FA2H: variants seen among roughly 807,000 people sequenced by gnomAD.
The protein encoded by FA2H is fatty acid 2-hydroxylase, also known as fatty acid alpha-hydroxylase.
Under a neutral mutation model 44.9 loss-of-function variants are expected in FA2H, and 22 were observed. That is an observed-to-expected ratio of 0.49 (90% CI 0.35 to 0.70). FA2H has a LOEUF of 0.70. Among genes scored for constraint, FA2H ranks in the 30% least tolerant of loss-of-function variants. The pLI is 0.01. For synonymous variants in FA2H, 243 were observed against 213.2 expected, an observed-to-expected ratio of 1.14 and a Z score of -1.22; for missense variants, 501 against 504.9, an observed-to-expected ratio of 0.99 and a Z score of 0.07.
intron 6 of FA2H, 42 bp from the exon 7 acceptor site, chr16:74,714,311 G>C (rs1012883991): frequency 7.7e-7 from 1 of 1,296,788 alleles, no homozygotes; most frequent in African/African-American, 1.5e-5. Flanking sequence ...GGCATTGAAG[G>C]AGCAGGCGTG....
chr16:74,722,154 C>G (rs1307940110), intron 4 of FA2H, among the ~76,000 whole-genome samples: 1 of 152,118 alleles, frequency 6.6e-6, no homozygotes, highest in Non-Finnish European at 1.5e-5. Context: ...TCAGTCTCTC[C>G]TTTTCTCCTG....
chr16:74,745,892 G>A (rs1338654877), intron 1 of FA2H, among the ~76,000 whole-genome samples: 1 of 143,922 alleles, frequency 6.9e-6, no homozygotes, highest in Non-Finnish European at 1.5e-5. Flanking sequence ...TGCAGCCTCT[G>A]TGTCCTGAGT....
intron 1 of FA2H, among the ~76,000 whole-genome samples, chr16:74,745,799 ATTTT>A (rs11365398): frequency 1.4e-4 from 10 of 72,418 alleles, no homozygotes; most frequent in African/African-American, 2.0e-4. Flanking sequence ...CTGTCAATGG[ATTTT>A]TTTTTTTTTT....
At position 74,741,773 on chromosome 16, in the gene FA2H, AATATATATATATATAT is replaced by A. The variant is rs57773726; in HGVS notation, c.271-1674_271-1659del. Reference sequence around the variant, plus strand: ...ACCGTGCTGGGCCAACACCTGATTAAATATATATATATATATATATATATATATATATATATGTGTG... The same window carrying A: ...ACCGTGCTGGGCCAACACCTGATTAAATATATATATATATATATATGTGTG... On this transcript the variant is annotated intron_variant, in intron 1 of 6. Transcript: ENST00000219368. 6.9e-4 allele frequency among the ~76,000 whole-genome samples: 33 copies of A among 48,058 alleles called. 1 individual carries two copies. Among genetic ancestry groups the A allele is most frequent in the South Asian group, 1.6e-3 (2 of 1,286 alleles). 31.5% of individuals were successfully genotyped at this position (48,058 alleles called of 152,430 possible).
At chr16:74,751,804 G>A (rs1052255444) in intron 1 of FA2H, among the ~76,000 whole-genome samples, 1 of 152,138 alleles carries the variant, frequency 6.6e-6, no homozygotes, top group Admixed American at 6.5e-5. Context: ...GTCCAGTGAT[G>A]GAAATGTTCT....
At chr16:74,763,982 T>C (rs570026450) in intron 1 of FA2H, among the ~76,000 whole-genome samples, 50 of 152,356 alleles carry the variant, frequency 3.3e-4, no homozygotes, top group African/African-American at 1.1e-3. Flanking sequence ...ACTGAAGTTA[T>C]TTGGATAATA....
At chr16:74,768,335 C>A (rs1387163806) in intron 1 of FA2H, among the ~76,000 whole-genome samples, 4 of 152,218 alleles carry the variant, frequency 2.6e-5, no homozygotes, top group Non-Finnish European at 5.9e-5. Flanking sequence ...GGAGCTTGTG[C>A]TGACCCTGGG....
intron 2 of FA2H, among the ~76,000 whole-genome samples, chr16:74,732,525 T>C (rs1962094200): frequency 6.7e-6 from 1 of 150,268 alleles, no homozygotes; most frequent in African/African-American, 2.5e-5. Context: ...CAACCTCCAC[T>C]TCTCCGGTTG....
chr16:74,714,895 G>A (rs184471840), intron 6 of FA2H, among the ~76,000 whole-genome samples: 201 of 148,256 alleles, frequency 1.4e-3, no homozygotes, highest in Middle Eastern at 0.01. Context: ...GGAGTGCACT[G>A]GTGTGATCTT....
At chr16:74,745,589 C>T (rs774642674) in intron 1 of FA2H, among the ~76,000 whole-genome samples, 7 of 152,182 alleles carry the variant, frequency 4.6e-5, no homozygotes, top group African/African-American at 1.4e-4. Context: ...AGCCACTGGA[C>T]GTGCCGGGCA....
chr16:74,742,801 A>C (rs1324744769), intron 1 of FA2H, among the ~76,000 whole-genome samples: 1 of 152,198 alleles, frequency 6.6e-6, no homozygotes. Flanking sequence ...ATTGTGCCAC[A>C]GCACTCCAGC....
At chr16:74,731,903 T>A (rs967787524) in intron 2 of FA2H, among the ~76,000 whole-genome samples, 1 of 152,212 alleles carries the variant, frequency 6.6e-6, no homozygotes, top group Non-Finnish European at 1.5e-5. Context: ...GACAGGGACT[T>A]GCTCTGTTGC....
intron 1 of FA2H, among the ~76,000 whole-genome samples, chr16:74,749,948 G>C (rs1166492096): frequency 2.0e-5 from 3 of 152,224 alleles, no homozygotes; most frequent in African/African-American, 7.2e-5. Flanking sequence ...AGCTGGAAGG[G>C]ACGCGGCCAG....
At chr16:74,753,853 C>G (rs1041596550) in intron 1 of FA2H, among the ~76,000 whole-genome samples, 2 of 152,152 alleles carry the variant, frequency 1.3e-5, no homozygotes, top group African/African-American at 4.8e-5. Flanking sequence ...GGTCTTGACT[C>G]CAGAGATTTA....
intron 4 of FA2H, among the ~76,000 whole-genome samples, chr16:74,724,346 G>C (rs1199937006): frequency 6.6e-6 from 1 of 152,168 alleles, no homozygotes; most frequent in Non-Finnish European, 1.5e-5. Context: ...TCGCTCTAAC[G>C]TGCTCTCAGA....
intron 1 of FA2H, among the ~76,000 whole-genome samples, chr16:74,748,453 CG>C (rs1411384079): frequency 6.6e-6 from 1 of 152,134 alleles, no homozygotes; most frequent in African/African-American, 2.4e-5. Flanking sequence ...GAGGCACAGG[CG>C]GCCCGAATGA....
intron 4 of FA2H, among the ~76,000 whole-genome samples, chr16:74,725,009 C>T (rs929573554): frequency 3.3e-5 from 5 of 152,154 alleles, no homozygotes; most frequent in Non-Finnish European, 5.9e-5. Context: ...AGGGGAGTGC[C>T]GGGCGGACAG....
chr16:74,741,579 G>T (rs904673939), intron 1 of FA2H, among the ~76,000 whole-genome samples: 1 of 151,746 alleles, frequency 6.6e-6, no homozygotes, highest in Non-Finnish European at 1.5e-5. Context: ...TCCCACCTCA[G>T]CCTCCCAAGT....
At chr16:74,739,482 G>C (rs1335544922) in intron 2 of FA2H, among the ~76,000 whole-genome samples, 1 of 152,114 alleles carries the variant, frequency 6.6e-6, no homozygotes, top group Non-Finnish European at 1.5e-5. Flanking sequence ...GGTCTGCTCA[G>C]CCATAGCAAG....
Sources: allele counts gnomAD v4.1 joint callset (sites outside exome capture counted in the v4.1 genomes callset), GRCh38; gene constraint gnomAD v4.1.1; transcripts MANE v1.5; gene names NCBI Gene and HGNC (gene_info 2026-07-23, HGNC 2026-07-21).